Variants in ERICH3 observed in about 807,000 individuals in gnomAD.
The protein encoded by ERICH3 is glutamate-rich protein 3.
In ERICH3, 126 loss-of-function variants were observed where a neutral mutation model predicts 131.1. The observed-to-expected ratio is 0.96, with a 90% CI of 0.83 to 1.11. ERICH3 has a LOEUF of 1.11. Ranked by LOEUF, ERICH3 falls within the 50% of genes most tolerant of loss-of-function variation. ERICH3 has a pLI of 0.00. For synonymous variants in ERICH3, 695 were observed against 644.6 expected (o/e 1.08, Z -1.18); for missense variants, 2,050 against 1,810.7 (o/e 1.13, Z -2.40).
At chr1:74,595,986 A>G (rs1250370545) in intron 11 of ERICH3, among the ~76,000 whole-genome samples, 3 of 152,084 alleles carry the variant, frequency 2.0e-5, no homozygotes, top group African/African-American at 7.2e-5. Context: ...TGCGTCTCAC[A>G]GCACAAAGAA....
rs1349254315 is a variant in ERICH3, at chr1:74,646,684, T to C, written c.226A>G (p.Lys76Glu). 7 of 1,399,706 alleles carry C rather than the reference T, an allele frequency of 5.0e-6. No homozygotes were observed. Among genetic ancestry groups the C allele is most frequent in the Non-Finnish European group, 6.8e-6 (7 of 1,031,164 alleles). The allele number at this position is 1,399,706 out of a possible 1,614,324, so 86.7% of individuals were successfully genotyped here. A position where few individuals can be genotyped will look rare whatever the true frequency, so the allele number is the denominator to read the frequency against. The change falls in exon 3 of 15, where the codon AAA (lysine) becomes GAA (glutamate). Residue 76 changes from lysine (K) to glutamate (E), a missense_variant. Lys to Glu is a moderately conservative substitution (Grantham distance 56). Transcript: ENST00000326665. The stretch of plus-strand genomic sequence containing the variant: ...ATTTTTACCTCCATATCAAGAACTT[T>C]ATGAAAAATTGCCTGGGCTAAGCAT... The part of the protein sequence containing the change: ...RECLAQAIFH[K>E]VLDMERYHQL...
At chr1:74,636,612 A>C (rs77849013) in intron 5 of ERICH3, among the ~76,000 whole-genome samples, 174 bp from the exon 6 acceptor site, 1 of 152,212 alleles carries the variant, frequency 6.6e-6, no homozygotes, top group Non-Finnish European at 1.5e-5. Context: ...AGTATTTGTT[A>C]AAACATATGG....
chr1:74,641,438 C>T lies in ERICH3; in HGVS notation c.337G>A (p.Val113Ile), dbSNP rs1646436819. The T allele has an allele frequency of 2.5e-6, 4 of 1,611,080 alleles. No individual in the cohort carries two copies. The South Asian group carries it at 3.3e-5, about 13-fold the overall frequency. Residue 113 changes from valine to isoleucine, a missense_variant, in exon 5 of 15, where the codon GTT becomes ATT. Physicochemically the swap from Val to Ile is conservative, Grantham distance 29. Coordinates refer to ENST00000326665, the MANE Select transcript of ERICH3 (RefSeq NM_001002912.5). ...RFKGEHTRRSVENNMPILSPH... is the reference protein window; with the variant it reads ...RFKGEHTRRSIENNMPILSPH... ...GACAGGATTGGCATGTTATTTTCAACAGACCTTCTTGTGTGCTCTCCCTAG... is the reference window on the plus strand; with the variant it reads ...GACAGGATTGGCATGTTATTTTCAATAGACCTTCTTGTGTGCTCTCCCTAG...
rs1646511938 is a variant in ERICH3, at chr1:74,649,297, A to G, written c.42T>C (p.Asn14=). Residue 14 remains asparagine (N), a synonymous_variant, in exon 2 of 15, where the codon AAT becomes AAC. Coordinates refer to ENST00000326665, the MANE Select transcript of ERICH3 (RefSeq NM_001002912.5). ...CAGCCAGGTGTTTATCCATAAGGCT[A>G]TTATATGCAGCAAGTAACCTAAAAT... ...SHPAGLLAAY[N]SLMDKHLAGY... 6.2e-7 allele frequency: 1 copy of G among 1,611,712 alleles called. No individual in the cohort carries two copies. Among genetic ancestry groups the G allele is most frequent in the African/African-American group, 1.3e-5 (1 of 74,802 alleles).
chr1:74,668,209 T>G (rs993081294), intron 1 of ERICH3, among the ~76,000 whole-genome samples: 2 of 152,218 alleles, frequency 1.3e-5, no homozygotes, highest in African/African-American at 4.8e-5. Context: ...CAAGTTTGCT[T>G]TGTACTCCCT....
chr1:74,669,303 T>C (rs926245600), intron 1 of ERICH3, among the ~76,000 whole-genome samples: 10 of 116,158 alleles, frequency 8.6e-5, no homozygotes, highest in Non-Finnish European at 1.7e-5. Flanking sequence ...ACATATGTCT[T>C]CTGCATTTTT....
At chr1:74,582,764 T>C (rs1454436332) in intron 12 of ERICH3, among the ~76,000 whole-genome samples, 1 of 152,200 alleles carries the variant, frequency 6.6e-6, no homozygotes, top group Non-Finnish European at 1.5e-5. Flanking sequence ...ATTCTTATGA[T>C]CATTTTGAAG....
intron 1 of ERICH3, among the ~76,000 whole-genome samples, chr1:74,657,507 A>T (rs1184832842): frequency 6.6e-6 from 1 of 152,180 alleles, no homozygotes; most frequent in Non-Finnish European, 1.5e-5. Flanking sequence ...TACATTCTTC[A>T]TTCTTTTTTA....
intron 1 of ERICH3, among the ~76,000 whole-genome samples, chr1:74,657,482 T>C (rs1401810372): frequency 6.6e-6 from 1 of 152,210 alleles, no homozygotes; most frequent in African/African-American, 2.4e-5. Context: ...TGATATCATA[T>C]AAATGATTTT....
In ERICH3 at chr1:74,571,517, G is replaced by A. The variant is rs1646945548; in HGVS notation, c.4193C>T (p.Ala1398Val). The change falls in exon 14 of 15, where the codon GCA (alanine) becomes GTA (valine). Residue 1398 changes from alanine (A) to valine (V), a missense_variant. Physicochemically the swap from Ala to Val is moderately conservative, Grantham distance 64 (BLOSUM62 0). Transcript: ENST00000326665. The stretch of plus-strand genomic sequence containing the variant: ...CTCTACCACCACCTTCCCTGCAGCT[G>A]CTGTTTTTCCTACTAACTCATCCTG... ...HQQDELVGKT[A>V]AAGKVVVEEL... 1 of 1,614,142 alleles carries A rather than the reference G, an allele frequency of 6.2e-7. No individual in the cohort carries two copies. The highest frequency in any genetic ancestry group is 1.1e-5 in the South Asian group (1 of 91,090).
intron 11 of ERICH3, chr1:74,592,369 A>T (rs1033138134): frequency 6.6e-6 from 1 of 152,180 alleles, no homozygotes; most frequent in Non-Finnish European, 1.5e-5. Context: ...TTTAGGGTCT[A>T]TGAACTCCCC....
chr1:74,606,622 G>C lies in ERICH3; in HGVS notation c.1468C>G (p.Gln490Glu). 1 of 1,607,764 alleles carries C rather than the reference G, an allele frequency of 6.2e-7. No individual in the cohort carries two copies. The highest frequency in any genetic ancestry group is 1.3e-5 in the African/African-American group (1 of 74,484). The change falls in exon 10 of 15, where the codon CAG (glutamine) becomes GAG (glutamate). Residue 490 changes from glutamine (Q) to glutamate (E), a missense_variant. Physicochemically the swap from Gln to Glu is conservative, Grantham distance 29. Transcript: ENST00000326665. Reference sequence around the variant, plus strand: ...TTACCATATTTTAAAGTATTTTCCTGGTCGTCTTCCAAGACTTCTTGTCCT... The same window carrying C: ...TTACCATATTTTAAAGTATTTTCCTCGTCGTCTTCCAAGACTTCTTGTCCT... ...KPGQEVLEDD[Q>E]ENTLKYEYEE...
chr1:74,589,522 C>G, intron 12 of ERICH3, 109 bp downstream of exon 12: 1 of 1,057,884 alleles, frequency 9.5e-7, no homozygotes, highest in Non-Finnish European at 1.4e-6. Flanking sequence ...ATCTTGAATC[C>G]CTAAAGCATT....
rs939985620 is a variant in ERICH3, at chr1:74,569,412, C to A, written c.*1046G>T. The A allele has an allele frequency of 2.6e-5, 4 of 152,052 alleles. No individual in the cohort carries two copies. The highest frequency in any genetic ancestry group is 5.9e-5 in the Non-Finnish European group (4 of 68,018). The allele number at this position is 152,052 out of a possible 1,614,324, so 9.4% of individuals were successfully genotyped here. On this transcript the variant is annotated 3_prime_UTR_variant, in exon 15 of 15. Transcript: ENST00000326665. ...TTGTATGTCTTCAGGGAAATGAAAACCCCTAGGAGACAGGCTGATACACAA... is the reference window on the plus strand; with the variant it reads ...TTGTATGTCTTCAGGGAAATGAAAAACCCTAGGAGACAGGCTGATACACAA...
intron 12 of ERICH3, among the ~76,000 whole-genome samples, chr1:74,581,340 T>C (rs1647174229): frequency 6.6e-6 from 1 of 152,202 alleles, no homozygotes; most frequent in South Asian, 2.1e-4. Context: ...AAAGTCTGAT[T>C]ATGAGTATTT....
rs115952625 is a variant in ERICH3 at position 74,628,673 on chromosome 1, G to C, written c.819+3040C>G. Among the ~76,000 whole-genome samples the C allele has an allele frequency of 3.8e-3, 571 of 150,812 alleles. 4 individuals carry two copies. The highest frequency in any genetic ancestry group is 0.013 in the African/African-American group (541 of 41,060). Reference sequence around the variant, plus strand: ...CACCCCTTCCCCCCATGTTATTCAAGTGTCAACTCTCCATATACAGTACAC... The same window carrying C: ...CACCCCTTCCCCCCATGTTATTCAACTGTCAACTCTCCATATACAGTACAC... On this transcript the variant is annotated intron_variant, in intron 7 of 14. Coordinates refer to ENST00000326665, the MANE Select transcript of ERICH3 (RefSeq NM_001002912.5).
chr1:74,644,490 T>C (rs1257870880), intron 3 of ERICH3, among the ~76,000 whole-genome samples: 2 of 152,110 alleles, frequency 1.3e-5, no homozygotes, highest in Non-Finnish European at 2.9e-5. Flanking sequence ...CAGGACACCA[T>C]GCTAACAGGC....
chr1:74,654,083 A>G (rs994755609), intron 1 of ERICH3, among the ~76,000 whole-genome samples: 2 of 152,158 alleles, frequency 1.3e-5, no homozygotes, highest in African/African-American at 4.8e-5. Context: ...CCTCATTAAA[A>G]TGACCTTTAC....
chr1:74,620,629 C>T (rs1274792670), intron 8 of ERICH3, 105 bp downstream of exon 8: 5 of 974,868 alleles, frequency 5.1e-6, no homozygotes, highest in Admixed American at 5.9e-5. Context: ...CCTGGATATG[C>T]ATAATTTCAT....
Sources: allele counts gnomAD v4.1 joint callset (sites outside exome capture counted in the v4.1 genomes callset), GRCh38; gene constraint gnomAD v4.1.1; transcripts MANE v1.5; gene names NCBI Gene and HGNC (gene_info 2026-07-23, HGNC 2026-07-21).